Variants in ADAMTS12 observed in about 807,000 individuals in gnomAD.
ADAMTS12 encodes the protein A disintegrin and metalloproteinase with thrombospondin motifs 12.
In ADAMTS12, 118 loss-of-function variants were observed where a neutral mutation model predicts 167.8. The observed-to-expected ratio is 0.70, with a 90% CI of 0.61 to 0.82. The LOEUF is 0.82. ADAMTS12 is among the 40% of genes least tolerant of loss of function. The pLI, the probability that ADAMTS12 is intolerant of heterozygous loss-of-function variation, is 0.00. For missense variants in ADAMTS12, 1,916 were observed against 1,998.8 expected (o/e 0.96, Z 0.79); for synonymous variants, 704 against 716.9 (o/e 0.98, Z 0.29).
chr5:33,706,231 C>T (rs1743196782), intron 3 of ADAMTS12, among the ~76,000 whole-genome samples: 1 of 152,126 alleles, frequency 6.6e-6, no homozygotes, highest in Admixed American at 6.5e-5. Flanking sequence ...TGGCCCAGAG[C>T]TGAGTTCAAG....
At chr5:33,676,707 C>CACAGAGAGAGAGAGAG (rs879440613) in intron 5 of ADAMTS12, among the ~76,000 whole-genome samples, 16 of 149,020 alleles carry the variant, frequency 1.1e-4, no homozygotes, top group African/African-American at 3.8e-4. Flanking sequence ...CACACACACA[C>CACAGAGAGAGAGAGAG]AGAGAGAGAG....
chr5:33,757,089 G>T (rs1392556077), intron 2 of ADAMTS12, among the ~76,000 whole-genome samples: 5 of 152,160 alleles, frequency 3.3e-5, no homozygotes, highest in Non-Finnish European at 7.3e-5. Flanking sequence ...GAAAGAGAGA[G>T]ATTCATAATC....
intron 2 of ADAMTS12, among the ~76,000 whole-genome samples, chr5:33,806,846 T>C (rs553306377): frequency 5.9e-5 from 9 of 152,324 alleles, no homozygotes; most frequent in Admixed American, 5.9e-4. Flanking sequence ...ACGGCTGTCA[T>C]CCATCCAGCT....
chr5:33,700,858 T>C (rs1306869462), intron 3 of ADAMTS12, among the ~76,000 whole-genome samples: 1 of 148,526 alleles, frequency 6.7e-6, no homozygotes, highest in African/African-American at 2.4e-5. Flanking sequence ...TACAATTATC[T>C]CAGTAATAAT....
chr5:33,564,668 A>G (rs778665077), intron 19 of ADAMTS12, among the ~76,000 whole-genome samples: 1 of 152,156 alleles, frequency 6.6e-6, no homozygotes, highest in Non-Finnish European at 1.5e-5. Context: ...ACTCTCATCT[A>G]TTGGGCACCA....
chr5:33,536,123 G>A (rs27850), intron 22 of ADAMTS12, among the ~76,000 whole-genome samples: 73,081 of 151,948 alleles, frequency 0.48, 18,712 homozygotes, highest in East Asian at 0.77. Flanking sequence ...AATATATAAA[G>A]CACAAAATAT....
intron 19 of ADAMTS12, among the ~76,000 whole-genome samples, chr5:33,572,448 G>A (rs1746411641): frequency 2.6e-5 from 4 of 151,262 alleles, no homozygotes; most frequent in African/African-American, 4.9e-5. Flanking sequence ...TTCAATATAC[G>A]CAAATCAATA....
At chr5:33,595,087 C>T (rs372249789) in intron 17 of ADAMTS12, among the ~76,000 whole-genome samples, 3 of 152,076 alleles carry the variant, frequency 2.0e-5, no homozygotes, top group East Asian at 3.9e-4. Context: ...TTCCTTTCTT[C>T]CTCTTTCCTC....
chr5:33,649,920 T>C (rs1439638327), intron 7 of ADAMTS12, among the ~76,000 whole-genome samples: 1 of 152,136 alleles, frequency 6.6e-6, no homozygotes, highest in African/African-American at 2.4e-5. Flanking sequence ...TATGCATCCA[T>C]GGGAGTCATG....
chr5:33,619,969 A>T (rs1164705548), intron 14 of ADAMTS12, among the ~76,000 whole-genome samples: 2 of 152,248 alleles, frequency 1.3e-5, no homozygotes, highest in Non-Finnish European at 2.9e-5. Flanking sequence ...TTGGGATTAC[A>T]GGCGTGAGCC....
chr5:33,559,903 TAAG>T (rs1453096356), intron 20 of ADAMTS12, among the ~76,000 whole-genome samples: 2 of 151,958 alleles, frequency 1.3e-5, no homozygotes, highest in East Asian at 1.9e-4. Context: ...TAAAAATAAA[TAAG>T]AAGATCAGTG....
chr5:33,618,889 CGTT>C (rs569367290), intron 14 of ADAMTS12, among the ~76,000 whole-genome samples: 85 of 152,304 alleles, frequency 5.6e-4, no homozygotes, highest in Admixed American at 3.9e-3. Flanking sequence ...GCATCTTCAA[CGTT>C]GTAATCCTTC....
intron 3 of ADAMTS12, among the ~76,000 whole-genome samples, chr5:33,743,970 G>A (rs1353223052): frequency 2.0e-5 from 3 of 152,142 alleles, no homozygotes; most frequent in Admixed American, 2.0e-4. Context: ...AGGAAAGGGT[G>A]GCTATCCTCA....
Position 33,751,563 on chromosome 5 carries a change from A to G in ADAMTS12, c.490-15T>C. 1 of 1,611,258 alleles carries G rather than the reference A, an allele frequency of 6.2e-7. No homozygotes were observed. Among genetic ancestry groups the G allele is most frequent in the Non-Finnish European group, 8.5e-7 (1 of 1,178,912 alleles). ...AAAAATCCAGTCTGTAAATACATTCAGTAAGAAAGTTTATTTTAACCAATT... is the reference window on the plus strand; with the variant it reads ...AAAAATCCAGTCTGTAAATACATTCGGTAAGAAAGTTTATTTTAACCAATT... On this transcript the variant is annotated splice_polypyrimidine_tract_variant and intron_variant, in intron 2 of 23. Coordinates refer to ENST00000504830, the MANE Select transcript of ADAMTS12 (RefSeq NM_030955.4).
chr5:33,749,297 G>A lies in ADAMTS12; in HGVS notation c.634+2107C>T, dbSNP rs114189966. Among the ~76,000 whole-genome samples the A allele has an allele frequency of 2.7e-3, 416 of 152,240 alleles. 5 individuals are homozygous for A. The highest frequency in any genetic ancestry group is 9.4e-3 in the African/African-American group (390 of 41,542). ...AGACTTAAAAAGTAAACCGGAGGCC[G>A]TATAAAGCTTCAGGTAGAATAGAAC... is the stretch of plus-strand genomic sequence containing the variant. On this transcript the variant is annotated intron_variant, in intron 3 of 23. Transcript: ENST00000504830.
chr5:33,694,538 G>A (rs1051894208), intron 3 of ADAMTS12, among the ~76,000 whole-genome samples: 4 of 152,154 alleles, frequency 2.6e-5, no homozygotes, highest in Non-Finnish European at 4.4e-5. Context: ...AAAAAGGTTC[G>A]AAAATAAGAG....
intron 3 of ADAMTS12, among the ~76,000 whole-genome samples, chr5:33,735,221 A>G (rs1744328960): frequency 6.6e-6 from 1 of 152,204 alleles, no homozygotes; most frequent in Admixed American, 6.5e-5. Flanking sequence ...CTCCAAAGTT[A>G]AAATGCAGAT....
intron 2 of ADAMTS12, among the ~76,000 whole-genome samples, chr5:33,804,100 G>A (rs1402010843): frequency 6.6e-5 from 10 of 152,168 alleles, no homozygotes; most frequent in Non-Finnish European, 1.0e-4. Flanking sequence ...TATAAGGACC[G>A]AATGGGATAA....
intron 10 of ADAMTS12, 84 bp downstream of exon 10, chr5:33,643,294 T>C: frequency 2.9e-6 from 4 of 1,372,506 alleles, no homozygotes; most frequent in Middle Eastern, 2.2e-4. Context: ...TTAGAGAGAG[T>C]TGCCCTCTAG....
Sources: allele counts gnomAD v4.1 joint callset (sites outside exome capture counted in the v4.1 genomes callset), GRCh38; gene constraint gnomAD v4.1.1; transcripts MANE v1.5; gene names NCBI Gene and HGNC (gene_info 2026-07-23, HGNC 2026-07-21).